PIP5K1B: variants seen among roughly 807,000 people sequenced by gnomAD.
PIP5K1B encodes the protein phosphatidylinositol 4-phosphate 5-kinase type-1 beta.
PIP5K1B carries 42 observed loss-of-function variants against 67.0 expected under a neutral mutation model. That is an observed-to-expected ratio of 0.63 (90% CI 0.49 to 0.81). PIP5K1B has a LOEUF of 0.81. PIP5K1B is among the 30% of genes least tolerant of loss of function. The probability of loss-of-function intolerance (pLI) is 0.00; values close to 1 mark genes in which losing one functional copy is unlikely to be tolerated. For missense variants in PIP5K1B, 459 were observed against 646.3 expected (o/e 0.71, Z 3.14); for synonymous variants, 214 against 231.4 (o/e 0.92, Z 0.68).
At chr9:68,970,554 T>C (rs1036699201) in intron 14 of PIP5K1B, among the ~76,000 whole-genome samples, 1 of 152,234 alleles carries the variant, frequency 6.6e-6, no homozygotes, top group Non-Finnish European at 1.5e-5. Flanking sequence ...GAACTTTTGT[T>C]CACCCAACTG....
chr9:68,744,858 C>A (rs923823248), intron 2 of PIP5K1B, among the ~76,000 whole-genome samples: 1 of 152,188 alleles, frequency 6.6e-6, no homozygotes, highest in Non-Finnish European at 1.5e-5. Context: ...CAGACTGTTT[C>A]CACAGTCTCT....
intron 6 of PIP5K1B, among the ~76,000 whole-genome samples, chr9:68,881,428 G>A (rs1208869545): frequency 6.6e-6 from 1 of 152,210 alleles, no homozygotes; most frequent in Non-Finnish European, 1.5e-5. Context: ...GTGCATCGTG[G>A]TGGCTGTCAA....
At chr9:68,824,854 G>T (rs1225079543) in intron 4 of PIP5K1B, among the ~76,000 whole-genome samples, 1 of 152,130 alleles carries the variant, frequency 6.6e-6, no homozygotes, top group African/African-American at 2.4e-5. Flanking sequence ...TTTATCTCCA[G>T]GTCCAGATAA....
At chr9:68,931,746 G>A (rs1482309727) in intron 12 of PIP5K1B, among the ~76,000 whole-genome samples, 1 of 152,202 alleles carries the variant, frequency 6.6e-6, no homozygotes, top group Non-Finnish European at 1.5e-5. Flanking sequence ...AGTGAACATG[G>A]AGGCAGTCGA....
At chr9:68,888,046 T>C (rs1824576810) in intron 6 of PIP5K1B, among the ~76,000 whole-genome samples, 1 of 151,668 alleles carries the variant, frequency 6.6e-6, no homozygotes, top group African/African-American at 2.4e-5. Context: ...TGGTGTGATC[T>C]TGACTCACTG....
intron 4 of PIP5K1B, among the ~76,000 whole-genome samples, chr9:68,841,266 G>A (rs898384856): frequency 1.3e-5 from 2 of 152,300 alleles, no homozygotes; most frequent in Non-Finnish European, 2.9e-5. Context: ...TTAACATGAA[G>A]CAATTCATGT....
chr9:68,790,096 A>G (rs1429319633), intron 2 of PIP5K1B, among the ~76,000 whole-genome samples: 1 of 152,142 alleles, frequency 6.6e-6, no homozygotes, highest in African/African-American at 2.4e-5. Context: ...AAAAAACTCT[A>G]AGTTAAAACT....
chr9:68,943,746 C>A (rs1201400768), intron 14 of PIP5K1B, among the ~76,000 whole-genome samples: 2 of 151,878 alleles, frequency 1.3e-5, no homozygotes, highest in African/African-American at 4.8e-5. Flanking sequence ...AATCATTTTT[C>A]TGTTCAGGCA....
intron 6 of PIP5K1B, among the ~76,000 whole-genome samples, chr9:68,888,759 G>A (rs922846502): frequency 6.6e-6 from 1 of 152,074 alleles, no homozygotes; most frequent in African/African-American, 2.4e-5. Flanking sequence ...GGTTAGGAGT[G>A]TATGTCTGTT....
chr9:68,825,434 G>C (rs746401447), intron 4 of PIP5K1B, among the ~76,000 whole-genome samples: 1 of 152,210 alleles, frequency 6.6e-6, no homozygotes, highest in African/African-American at 2.4e-5. Context: ...CTTAATGAAA[G>C]CATAAAAGCA....
At chr9:68,732,186 T>C (rs1828469643) in intron 1 of PIP5K1B, among the ~76,000 whole-genome samples, 1 of 152,270 alleles carries the variant, frequency 6.6e-6, no homozygotes, top group Non-Finnish European at 1.5e-5. Flanking sequence ...ACTTACCACC[T>C]TTCAAGGTGT....
chr9:68,920,803 T>TACACACACACACACAC (rs59573461), intron 11 of PIP5K1B, among the ~76,000 whole-genome samples: 8 of 141,420 alleles, frequency 5.7e-5, no homozygotes, highest in African/African-American at 1.9e-4. Flanking sequence ...TACACACACA[T>TACACACACACACACAC]ACACACACAC....
At chr9:68,931,858 C>A (rs1827016716) in intron 12 of PIP5K1B, among the ~76,000 whole-genome samples, 2 of 152,270 alleles carry the variant, frequency 1.3e-5, no homozygotes, top group South Asian at 2.1e-4. Flanking sequence ...AAGGAAGCAA[C>A]CAGCCACCCA....
At chr9:68,816,247 G>A (rs1308133389) in intron 2 of PIP5K1B, among the ~76,000 whole-genome samples, 2 of 152,072 alleles carry the variant, frequency 1.3e-5, no homozygotes, top group African/African-American at 4.8e-5. Flanking sequence ...TCCTGCCTCA[G>A]CCTCCCGAGT....
At position 68,708,515 on chromosome 9, in the gene PIP5K1B, A is replaced by G. The variant is rs567370169; in HGVS notation, c.-243+2753A>G. ...TCTCCCTAGACAGTAGACTCATGTCATCTATGTTATGCTCTTTTGTTTGCC... is the reference window on the plus strand; with the variant it reads ...TCTCCCTAGACAGTAGACTCATGTCGTCTATGTTATGCTCTTTTGTTTGCC... On this transcript the variant is annotated intron_variant, in intron 1 of 15. Coordinates refer to ENST00000265382, the MANE Select transcript of PIP5K1B (RefSeq NM_003558.4). Among the ~76,000 whole-genome samples the G allele has an allele frequency of 1.9e-4, 29 of 150,292 alleles. No individual in the cohort carries two copies. In the South Asian group the frequency reaches 5.9e-3, roughly 31 times the overall value.
Position 68,916,961 on chromosome 9 carries a change from A to T in PIP5K1B, c.772-587A>T, listed in dbSNP as rs369354838. Among the ~76,000 whole-genome samples the T allele has an allele frequency of 4.6e-5, 7 of 152,328 alleles. 1 individual carries two copies. In the East Asian group the frequency reaches 1.3e-3, roughly 29 times the overall value. On this transcript the variant is annotated intron_variant, in intron 8 of 15. Coordinates refer to ENST00000265382, the MANE Select transcript of PIP5K1B (RefSeq NM_003558.4). ...CAGAATTCAGACATAGAAAAGATAC[A>T]TTCAGCTAGAAAAGATACATTCTAG...
chr9:68,903,248 G>GA (rs1825452536), intron 8 of PIP5K1B, among the ~76,000 whole-genome samples: 1 of 152,104 alleles, frequency 6.6e-6, no homozygotes, highest in Non-Finnish European at 1.5e-5. Context: ...TGAAGCCTAG[G>GA]AAATAGCAAC....
At chr9:68,755,340 C>A (rs992513390) in intron 2 of PIP5K1B, among the ~76,000 whole-genome samples, 5 of 152,174 alleles carry the variant, frequency 3.3e-5, no homozygotes, top group Non-Finnish European at 7.3e-5. Flanking sequence ...TATGAGTATA[C>A]CTCTGCTTAC....
Position 68,952,962 on chromosome 9 carries a change from T to C in PIP5K1B, c.1502+12172T>C, listed in dbSNP as rs73647036. Among the ~76,000 whole-genome samples, 1,016 of 152,186 alleles carry C rather than the reference T, an allele frequency of 6.7e-3. 13 individuals are homozygous for C. The highest frequency in any genetic ancestry group is 0.023 in the African/African-American group (953 of 41,506). On this transcript the variant is annotated intron_variant, in intron 14 of 15. Coordinates refer to ENST00000265382, the MANE Select transcript of PIP5K1B (RefSeq NM_003558.4). ...TCATGATGCTAGGCCTTGGTGCAGG[T>C]CTATTTTCAGCCAGCATGCTAAGCA...
Sources: gnomAD v4.1 joint callset for allele counts (sites outside exome capture counted in the v4.1 genomes callset) on GRCh38, gnomAD v4.1.1 for gene constraint, MANE v1.5 for transcripts, NCBI Gene and HGNC (gene_info 2026-07-23, HGNC 2026-07-21) for gene names.